ZMYM5: variants seen among roughly 807,000 people sequenced by gnomAD.
The protein encoded by ZMYM5 is zinc finger MYM-type containing 5, also known as zinc finger MYM-type protein 5.
In ZMYM5, 41 loss-of-function variants were observed where a neutral mutation model predicts 61.8. The observed-to-expected ratio is 0.66, with a 90% CI of 0.52 to 0.86. The LOEUF is 0.86. ZMYM5 is among the 40% of genes least tolerant of loss of function. The pLI is 0.00. For synonymous variants in ZMYM5, 257 were observed against 276.4 expected (o/e 0.93, Z 0.70); for missense variants, 706 against 786.7 (o/e 0.90, Z 1.23).
At position 19,825,027 on chromosome 13, in the gene ZMYM5, T is replaced by C. The variant is rs759177621; in HGVS notation, c.1460A>G (p.Asn487Ser). ...GGTTGACGTGGAAGAAGGAGGTAAA[T>C]TCACATTCTCTTGGATCAGTAATGT... ...TDTLLIQENV[N>S]LPPSSTSTIA... Residue 487 changes from asparagine (N) to serine (S), a missense_variant, in exon 8 of 8, where the codon AAT becomes AGT. Transcript: ENST00000337963. 1 of 1,367,662 alleles carries C rather than the reference T, an allele frequency of 7.3e-7. No individual in the cohort carries two copies. The highest frequency in any genetic ancestry group is 1.1e-5 in the South Asian group (1 of 88,034). 84.7% of individuals were successfully genotyped at this position (1,367,662 alleles called of 1,614,324 possible).
chr13:19,856,907 C>T (rs912617550), intron 2 of ZMYM5, among the ~76,000 whole-genome samples: 5 of 152,022 alleles, frequency 3.3e-5, no homozygotes, highest in Admixed American at 6.6e-5. Flanking sequence ...GAGATCGAGA[C>T]CAGCCTGGCT....
intron 2 of ZMYM5, among the ~76,000 whole-genome samples, chr13:19,860,078 T>G (rs756987838): frequency 1.3e-4 from 14 of 104,674 alleles, no homozygotes; most frequent in Non-Finnish European, 2.3e-4. Flanking sequence ...CACTCCAGCC[T>G]GGGTGACAGG....
intron 4 of ZMYM5, among the ~76,000 whole-genome samples, chr13:19,842,537 G>C (rs1378234631): frequency 6.6e-6 from 1 of 150,808 alleles, no homozygotes; most frequent in African/African-American, 2.4e-5. Flanking sequence ...GAAAATTTAA[G>C]GTTAATACTA....
At chr13:19,832,872 G>A (rs932010749) in intron 7 of ZMYM5, among the ~76,000 whole-genome samples, 1 of 143,040 alleles carries the variant, frequency 7.0e-6, no homozygotes, top group Admixed American at 6.8e-5. Flanking sequence ...CTAGAACTAC[G>A]AGTGTACAAC....
chr13:19,834,314 A>C (rs147837310), intron 7 of ZMYM5, among the ~76,000 whole-genome samples: 1 of 118,300 alleles, frequency 8.5e-6, no homozygotes, highest in Non-Finnish European at 1.9e-5. Context: ...AAGAAAAAAA[A>C]TTTTTTTCCA....
intron 7 of ZMYM5, among the ~76,000 whole-genome samples, chr13:19,826,098 A>C (rs1044780199): frequency 6.6e-6 from 1 of 151,922 alleles, no homozygotes; most frequent in African/African-American, 2.4e-5. Flanking sequence ...AGATGTGGAG[A>C]AACTGGAACC....
At chr13:19,841,775 TAAAG>T (rs898690105) in intron 4 of ZMYM5, 1 of 152,140 alleles carries the variant, frequency 6.6e-6, no homozygotes, top group African/African-American at 2.4e-5. Flanking sequence ...CCCTAAAAGT[TAAAG>T]AAAGAATTAA....
At chr13:19,839,077 A>G in intron 4 of ZMYM5, 92 bp from the exon 5 acceptor site, 1 of 1,482,590 alleles carries the variant, frequency 6.7e-7, no homozygotes. Context: ...TTAAGAGACA[A>G]GTGGGGCAGG....
intron 2 of ZMYM5, among the ~76,000 whole-genome samples, chr13:19,854,071 G>A (rs1953418238): frequency 6.6e-6 from 1 of 152,150 alleles, no homozygotes; most frequent in South Asian, 2.1e-4. Context: ...GTGCAGTGGT[G>A]CAACCTCGGC....
At position 19,838,951 on chromosome 13, in the gene ZMYM5, A is replaced by T; in HGVS notation, c.621T>A (p.Ser207Arg). 6.2e-7 allele frequency: 1 copy of T among 1,613,912 alleles called. No homozygotes were observed. The highest frequency in any genetic ancestry group is 8.5e-7 in the Non-Finnish European group (1 of 1,179,848). ...SWISQSASFP[S>R]NQKQPGVDSL... The stretch of plus-strand genomic sequence containing the variant: ...AATCCACCCCTGGCTGTTTCTGATT[A>T]CTGGGAAATGAAGCTGACTGGGAGA... Residue 207 changes from serine to arginine, a missense_variant, in exon 5 of 8, where the codon AGT (serine) becomes AGA (arginine). Ser to Arg is a moderately radical substitution (Grantham distance 110, BLOSUM62 -1). This residue lies in a region of ZMYM5 where 480 missense variants were observed against 461.7 expected (regional missense o/e 1.04). Coordinates refer to ENST00000337963, the MANE Select transcript of ZMYM5 (RefSeq NM_001142684.2).
intron 7 of ZMYM5, among the ~76,000 whole-genome samples, chr13:19,833,098 C>T (rs1341214554): frequency 3.3e-5 from 5 of 151,894 alleles, no homozygotes; most frequent in Non-Finnish European, 5.9e-5. Flanking sequence ...ATATTAGGTG[C>T]AATATATGTA....
At chr13:19,837,226 C>A (rs981537360) in intron 6 of ZMYM5, among the ~76,000 whole-genome samples, 11 of 152,010 alleles carry the variant, frequency 7.2e-5, no homozygotes, top group African/African-American at 2.7e-4. Flanking sequence ...ACCCTGTTGG[C>A]CAGGTTGGTC....
At chr13:19,851,082 G>A (rs931391001) in intron 4 of ZMYM5, among the ~76,000 whole-genome samples, 12 of 151,952 alleles carry the variant, frequency 7.9e-5, no homozygotes, top group Admixed American at 7.2e-4. Context: ...GGTGGCAGGC[G>A]CCTGTAATCC....
chr13:19,837,833 G>T lies in ZMYM5; in HGVS notation c.873-12C>A. On this transcript the variant is annotated splice_polypyrimidine_tract_variant and intron_variant, in intron 5 of 7. Coordinates refer to ENST00000337963, the MANE Select transcript of ZMYM5 (RefSeq NM_001142684.2). Reference sequence around the variant, plus strand: ...TTGTAGATGCATCTCTGAAACAGAAGGGATAGACACATAATTTAAGAACAC... The same window carrying T: ...TTGTAGATGCATCTCTGAAACAGAATGGATAGACACATAATTTAAGAACAC... The T allele has an allele frequency of 6.3e-7, 1 of 1,574,850 alleles. No homozygotes were observed. The highest frequency in any genetic ancestry group is 1.2e-5 in the South Asian group (1 of 82,590).
chr13:19,841,922 T>A (rs141167110), intron 4 of ZMYM5: 1 of 152,246 alleles, frequency 6.6e-6, no homozygotes, highest in African/African-American at 2.4e-5. Context: ...GTTTGCACCA[T>A]TCTCCTGCGT....
intron 5 of ZMYM5, among the ~76,000 whole-genome samples, chr13:19,838,481 T>C (rs566420262): frequency 2.0e-5 from 3 of 152,100 alleles, no homozygotes; most frequent in Non-Finnish European, 4.4e-5. Context: ...AGAGGGGCAA[T>C]TGATTTCCAA....
intron 4 of ZMYM5, among the ~76,000 whole-genome samples, chr13:19,839,722 CTCTT>C (rs1031772940): frequency 6.6e-5 from 10 of 152,190 alleles, no homozygotes; most frequent in Admixed American, 2.0e-4. Flanking sequence ...ATCAATCCAT[CTCTT>C]TCTATGTATT....
intron 2 of ZMYM5, among the ~76,000 whole-genome samples, chr13:19,860,894 G>A (rs1298762857): frequency 6.6e-6 from 1 of 150,816 alleles, no homozygotes; most frequent in Non-Finnish European, 1.5e-5. Context: ...TGGGGGGGGG[G>A]GAATTGTATC....
Position 19,824,714 on chromosome 13 carries a change from T to C in ZMYM5, c.1773A>G (p.Leu591=), listed in dbSNP as rs759764434. Residue 591 remains leucine (L), a synonymous_variant, in exon 8 of 8, where the codon CTA becomes CTG. Transcript: ENST00000337963. ...TTCCTTCCCCAAAGAGTTTGCAATA[T>C]AGACAAAACACAGAATCTTTTGAGG... is the stretch of plus-strand genomic sequence containing the variant. ...YSTSKDSVFC[L]YCKLFGEGKN... is the part of the protein sequence containing the mutation. The C allele has an allele frequency of 2.2e-6, 3 of 1,356,126 alleles. No individual in the cohort carries two copies. Among genetic ancestry groups the C allele is most frequent in the African/African-American group, 1.5e-5 (1 of 67,364 alleles). 84.0% of individuals were successfully genotyped at this position (1,356,126 alleles called of 1,614,324 possible).
Sources: allele counts gnomAD v4.1 joint callset (sites outside exome capture counted in the v4.1 genomes callset), GRCh38; gene constraint gnomAD v4.1.1; regional missense constraint gnomAD v4.1.1; transcripts MANE v1.5; gene names NCBI Gene and HGNC (gene_info 2026-07-23, HGNC 2026-07-21).